The following PLCB1 variants were observed in gnomAD, a reference collection of about 807,000 sequenced individuals.
PLCB1 encodes 1-phosphatidylinositol 4,5-bisphosphate phosphodiesterase beta-1.
In PLCB1, 46 loss-of-function variants were observed where a neutral mutation model predicts 161.8. The ratio of observed to expected loss-of-function variants is 0.28; its 90% CI spans 0.22 to 0.36. PLCB1 has a LOEUF of 0.36. PLCB1 is among the 10% of genes least tolerant of loss of function. PLCB1 has a pLI of 1.00. For synonymous variants in PLCB1, 517 were observed against 503.7 expected (o/e 1.03, Z -0.35); for missense variants, 1,016 against 1,472.5 (o/e 0.69, Z 5.07).
intron 3 of PLCB1, among the ~76,000 whole-genome samples, chr20:8,616,209 A>T (rs1172725753): frequency 6.6e-6 from 1 of 152,164 alleles, no homozygotes. Context: ...GAATGCCTTG[A>T]CAAGAACAAA....
At chr20:8,716,427 T>C in intron 13 of PLCB1, 79 bp downstream of exon 13, 1 of 1,007,508 alleles carries the variant, frequency 9.9e-7, no homozygotes, top group Non-Finnish European at 1.6e-6. Context: ...TTACTTCCTT[T>C]TCATATTTAT....
At chr20:8,776,345 G>A (rs190943508) in intron 27 of PLCB1, among the ~76,000 whole-genome samples, 39 of 152,236 alleles carry the variant, frequency 2.6e-4, no homozygotes, top group East Asian at 5.8e-4. Context: ...CTTGGTCCTC[G>A]GGTTCTAGAG....
chr20:8,670,641 C>T (rs1989919307), intron 9 of PLCB1, among the ~76,000 whole-genome samples: 1 of 152,020 alleles, frequency 6.6e-6, no homozygotes, highest in South Asian at 2.1e-4. Context: ...GCAGAACATA[C>T]TGACTCCAGA....
intron 31 of PLCB1, among the ~76,000 whole-genome samples, chr20:8,879,200 C>G (rs1987886131): frequency 6.6e-6 from 1 of 151,930 alleles, no homozygotes; most frequent in East Asian, 1.9e-4. Flanking sequence ...TTTATCCAGT[C>G]CACCATTAAT....
At chr20:8,554,822 C>T (rs1388730855) in intron 3 of PLCB1, among the ~76,000 whole-genome samples, 2 of 152,016 alleles carry the variant, frequency 1.3e-5, no homozygotes, top group East Asian at 1.9e-4. Flanking sequence ...ATTAGTATCA[C>T]CTGTTGCTGT....
intron 3 of PLCB1, among the ~76,000 whole-genome samples, chr20:8,564,462 A>T (rs1285087389): frequency 1.3e-5 from 2 of 152,216 alleles, no homozygotes; most frequent in Non-Finnish European, 2.9e-5. Context: ...AAGCAATGGC[A>T]ATAGAAGCCA....
intron 3 of PLCB1, among the ~76,000 whole-genome samples, chr20:8,432,376 C>T (rs1283946429): frequency 6.6e-6 from 1 of 152,168 alleles, no homozygotes; most frequent in African/African-American, 2.4e-5. Flanking sequence ...TTTCCAAGGA[C>T]CTCTTCCCAC....
At chr20:8,510,473 C>G (rs1354024132) in intron 3 of PLCB1, among the ~76,000 whole-genome samples, 5 of 151,236 alleles carry the variant, frequency 3.3e-5, no homozygotes, top group African/African-American at 1.2e-4. Flanking sequence ...GCAACCTCTG[C>G]CTCCCAGGTT....
Position 8,263,717 on chromosome 20 carries a change from G to T in PLCB1, c.178-107665G>T, listed in dbSNP as rs189900338. On this transcript the variant is annotated intron_variant, in intron 2 of 31. Transcript: ENST00000338037. ...TTGTAACATAATGGTAAGTATTCAT[G>T]TATCTAAATGTATGTAAACATAGAA... 1.4e-4 allele frequency among the ~76,000 whole-genome samples: 21 copies of T among 152,222 alleles called. No homozygotes were observed. In the East Asian group the frequency reaches 3.5e-3, roughly 25 times the overall value.
At chr20:8,401,471 G>C (rs941701177) in intron 3 of PLCB1, among the ~76,000 whole-genome samples, 5 of 152,102 alleles carry the variant, frequency 3.3e-5, no homozygotes, top group Non-Finnish European at 7.4e-5. Context: ...TTTTATGGTT[G>C]TATCTTTGAG....
intron 2 of PLCB1, among the ~76,000 whole-genome samples, chr20:8,269,373 T>C (rs1024008835): frequency 2.6e-5 from 4 of 152,146 alleles, no homozygotes; most frequent in African/African-American, 9.7e-5. Context: ...CTCAACTTGA[T>C]TCTCTGTATT....
At chr20:8,206,975 T>TTTTAAAAGTGCAGAA in intron 2 of PLCB1, among the ~76,000 whole-genome samples, 2 of 143,678 alleles carry the variant, frequency 1.4e-5, no homozygotes, top group African/African-American at 2.6e-5. Context: ...TAGGGAAAAA[T>TTTTAAAAGTGCAGAA]ACAAGGAGAA....
chr20:8,186,579 T>C (rs1200487215), intron 2 of PLCB1, among the ~76,000 whole-genome samples: 1 of 152,202 alleles, frequency 6.6e-6, no homozygotes. Context: ...CCCGTGATGC[T>C]TGTTTCAGCA....
chr20:8,663,380 A>G (rs2123340569), intron 9 of PLCB1, among the ~76,000 whole-genome samples: 1 of 152,226 alleles, frequency 6.6e-6, no homozygotes, highest in Admixed American at 6.6e-5. Flanking sequence ...TACATAAAAG[A>G]TAGACTTGAA....
chr20:8,845,846 G>A (rs774607323), intron 31 of PLCB1, among the ~76,000 whole-genome samples: 1 of 152,174 alleles, frequency 6.6e-6, no homozygotes, highest in Non-Finnish European at 1.5e-5. Flanking sequence ...ACATTCAACA[G>A]TTATATAATA....
At chr20:8,879,994 A>G (rs933011092) in intron 31 of PLCB1, among the ~76,000 whole-genome samples, 1 of 152,190 alleles carries the variant, frequency 6.6e-6, no homozygotes, top group Admixed American at 6.5e-5. Flanking sequence ...GCATCCCCCA[A>G]GAGCTATTGA....
rs535641798 is a variant in PLCB1, at chr20:8,832,813, A to C, written c.3423+42552A>C. 2.6e-5 allele frequency among the ~76,000 whole-genome samples: 4 copies of C among 152,312 alleles called. No homozygotes were observed. In the East Asian group the frequency reaches 5.8e-4, roughly 22 times the overall value. ...AAAACTTTACTTATTAATTTGAATTAGTTTGAGTCCTTAGGGAACCCTGCG... is the reference window on the plus strand; with the variant it reads ...AAAACTTTACTTATTAATTTGAATTCGTTTGAGTCCTTAGGGAACCCTGCG... On this transcript the variant is annotated intron_variant, in intron 31 of 31. Coordinates refer to ENST00000338037, the MANE Select transcript of PLCB1 (RefSeq NM_015192.4).
chr20:8,648,319 T>G (rs547258378), intron 6 of PLCB1, among the ~76,000 whole-genome samples: 1 of 152,236 alleles, frequency 6.6e-6, no homozygotes, highest in Admixed American at 6.5e-5. Flanking sequence ...CAAGCAGGGT[T>G]TGCAACCTCA....
chr20:8,151,686 T>C lies in PLCB1; in HGVS notation c.177+1315T>C, dbSNP rs185489266. 7.9e-4 allele frequency among the ~76,000 whole-genome samples: 120 copies of C among 152,318 alleles called. 1 individual carries two copies. Among genetic ancestry groups the C allele is most frequent in the Middle Eastern group, 3.4e-3 (1 of 294 alleles). On this transcript the variant is annotated intron_variant, in intron 2 of 31. Transcript: ENST00000338037. ...AGGTTTTGTTTTTTGGGTGTTTTTT[T>C]CTTCTCCTAAAGGATATTTTTAGAA...
Sources: allele counts gnomAD v4.1 joint callset (sites outside exome capture counted in the v4.1 genomes callset), GRCh38; gene constraint gnomAD v4.1.1; transcripts MANE v1.5; gene names NCBI Gene and HGNC (gene_info 2026-07-23, HGNC 2026-07-21).